HOMER2: variants seen among roughly 807,000 people sequenced by gnomAD.
HOMER2 encodes homer protein homolog 2.
Under a neutral mutation model 47.0 loss-of-function variants are expected in HOMER2, and 27 were observed. The observed-to-expected ratio is 0.57, with a 90% confidence interval of 0.42 to 0.79. The LOEUF is 0.79. Among genes scored for constraint, HOMER2 ranks in the 30% least tolerant of loss-of-function variants. The pLI, the probability that HOMER2 is intolerant of heterozygous loss-of-function variation, is 0.00. For missense variants in HOMER2, 443 were observed against 435.0 expected, an observed-to-expected ratio of 1.02 and a Z score of -0.16; for synonymous variants, 161 against 163.8, an observed-to-expected ratio of 0.98 and a Z score of 0.13.
At chr15:82,974,042 G>A (rs555838593) in intron 1 of HOMER2, among the ~76,000 whole-genome samples, 2 of 152,110 alleles carry the variant, frequency 1.3e-5, no homozygotes, top group South Asian at 2.1e-4. Context: ...AGGTTGCAGT[G>A]CACAGAGATC....
intron 1 of HOMER2, among the ~76,000 whole-genome samples, chr15:82,975,054 A>G (rs2030156732): frequency 6.6e-6 from 1 of 152,192 alleles, no homozygotes; most frequent in African/African-American, 2.4e-5. Flanking sequence ...TGGGCAACAG[A>G]GAGACTGTCT....
At chr15:82,906,869 AG>A (rs1451765967) in intron 1 of HOMER2, among the ~76,000 whole-genome samples, 1 of 152,254 alleles carries the variant, frequency 6.6e-6, no homozygotes, top group Non-Finnish European at 1.5e-5. Flanking sequence ...CTTAAGAGCA[AG>A]GAAAGTTATA....
intron 1 of HOMER2, among the ~76,000 whole-genome samples, chr15:82,946,770 CTACT>C (rs2054392862): frequency 6.6e-6 from 1 of 152,208 alleles, no homozygotes; most frequent in Non-Finnish European, 1.5e-5. Context: ...CATTCAATAT[CTACT>C]TATTTAGTGC....
At position 82,859,094 on chromosome 15, in the gene HOMER2, G is replaced by A. The variant is rs141438525; in HGVS notation, c.429C>T (p.His143=). The change falls in exon 5 of 9, where the codon CAC becomes CAT. Residue 143 remains histidine, a synonymous_variant. Coordinates refer to ENST00000450735, the MANE Select transcript of HOMER2 (RefSeq NM_004839.4). ...VNGTDDEKAS[H]AGPANTHLKS... ...TCAGGTGTGTGTTGGCTGGACCGGCGTGAGAGGCCTTTTCATCGTCCGTCC... is the reference window on the plus strand; with the variant it reads ...TCAGGTGTGTGTTGGCTGGACCGGCATGAGAGGCCTTTTCATCGTCCGTCC... The A allele has an allele frequency of 1.5e-5, 25 of 1,613,992 alleles. No homozygotes were observed. The African/African-American group carries it at 1.9e-4, about 12-fold the overall frequency.
intron 2 of HOMER2, among the ~76,000 whole-genome samples, chr15:82,880,426 T>G (rs918772537): frequency 1.3e-5 from 2 of 152,062 alleles, no homozygotes; most frequent in East Asian, 3.9e-4. Context: ...TGGGAGAGCA[T>G]CTAATTAGGG....
chr15:82,900,156 A>G (rs902128931), intron 1 of HOMER2, among the ~76,000 whole-genome samples: 1 of 152,068 alleles, frequency 6.6e-6, no homozygotes, highest in African/African-American at 2.4e-5. Flanking sequence ...CAAGCCAGGT[A>G]CAATTGTGTG....
chr15:82,911,421 G>A (rs928514606), intron 1 of HOMER2, among the ~76,000 whole-genome samples: 2 of 151,986 alleles, frequency 1.3e-5, no homozygotes, highest in African/African-American at 2.4e-5. Flanking sequence ...GTAAATGTAC[G>A]GCTACCACTC....
At chr15:82,965,984 T>C (rs10220868) in intron 1 of HOMER2, among the ~76,000 whole-genome samples, 108,808 of 152,016 alleles carry the variant, frequency 0.72, 40,355 homozygotes, top group African/African-American at 0.91. Flanking sequence ...GTCCCTGCTA[T>C]TGGGGGATGA....
intron 1 of HOMER2, among the ~76,000 whole-genome samples, chr15:82,984,071 C>T (rs545765993): frequency 4.7e-4 from 70 of 148,670 alleles, no homozygotes; most frequent in African/African-American, 1.7e-3. Context: ...CTTGCTCTGT[C>T]ACCCAGGCTG....
At position 82,980,146 on chromosome 15, in the gene HOMER2, CAT is replaced by C. The variant is rs570943464; in HGVS notation, n.82+5639_82+5640del. 3.4e-3 allele frequency among the ~76,000 whole-genome samples: 516 copies of C among 151,990 alleles called. 4 individuals are homozygous for C. Among genetic ancestry groups the C allele is most frequent in the Middle Eastern group, 0.031 (9 of 294 alleles). ...TATATATATTTAAATTTCTGTACAT[CAT>C]GTTTTTTTGTTATATACCACTAAGA... On this transcript the variant is annotated intron_variant and non_coding_transcript_variant, in intron 1 of 1. Transcript: ENST00000500334.
intron 3 of HOMER2, 60 bp downstream of exon 3, chr15:82,875,213 T>C (rs1337801686): frequency 6.3e-7 from 1 of 1,584,452 alleles, no homozygotes; most frequent in African/African-American, 1.3e-5. Flanking sequence ...CGGCGGGCAA[T>C]CACTGATGAG....
chr15:82,849,968 C>A, intron 8 of HOMER2, 65 bp from the exon 9 acceptor site: 1 of 1,521,900 alleles, frequency 6.6e-7, no homozygotes, highest in Non-Finnish European at 9.0e-7. Flanking sequence ...TCAAAACCTG[C>A]TACAGCTGAA....
chr15:82,973,467 T>C (rs777258365), intron 1 of HOMER2, among the ~76,000 whole-genome samples: 2 of 152,174 alleles, frequency 1.3e-5, no homozygotes, highest in East Asian at 1.9e-4. Flanking sequence ...GCCCAGTGCC[T>C]GGCATGTAGT....
chr15:82,869,742 G>A (rs1247176504), intron 3 of HOMER2, among the ~76,000 whole-genome samples: 2 of 152,132 alleles, frequency 1.3e-5, no homozygotes, highest in Admixed American at 6.5e-5. Flanking sequence ...ACAGGCATGA[G>A]CCATCACGCC....
intron 1 of HOMER2, among the ~76,000 whole-genome samples, chr15:82,974,154 C>T (rs2030113797): frequency 6.6e-6 from 1 of 152,122 alleles, no homozygotes; most frequent in African/African-American, 2.4e-5. Context: ...CCTGTAATCC[C>T]AGCACTTTGG....
intron 1 of HOMER2, among the ~76,000 whole-genome samples, chr15:82,938,698 T>A (rs75436412): frequency 0.053 from 8,088 of 152,280 alleles, 541 homozygotes; most frequent in African/African-American, 0.16. Context: ...ACTCACTTAT[T>A]AAATGCATTT....
intron 1 of HOMER2, among the ~76,000 whole-genome samples, chr15:82,895,562 G>T (rs1318133460): frequency 6.6e-6 from 1 of 152,244 alleles, no homozygotes; most frequent in East Asian, 1.9e-4. Flanking sequence ...CTACATACGT[G>T]AAAGGAAGGA....
chr15:82,892,939 CT>C, intron 1 of HOMER2, 98 bp from the exon 2 acceptor site: 1 of 951,330 alleles, frequency 1.1e-6, no homozygotes, highest in African/African-American at 1.6e-5. Context: ...TTTTAAATAG[CT>C]TATAGGGAAA....
intron 1 of HOMER2, among the ~76,000 whole-genome samples, chr15:82,895,090 G>C (rs188533116): frequency 1.3e-5 from 2 of 152,260 alleles, no homozygotes; most frequent in Non-Finnish European, 2.9e-5. Flanking sequence ...TTCTCCTCAG[G>C]CATGCTATTA....
Sources: allele counts gnomAD v4.1 joint callset (sites outside exome capture counted in the v4.1 genomes callset), GRCh38; gene constraint gnomAD v4.1.1; transcripts MANE v1.5; gene names NCBI Gene and HGNC (gene_info 2026-07-23, HGNC 2026-07-21).